Variants in HOMER1 observed in about 807,000 individuals in gnomAD.
The protein encoded by HOMER1 is homer scaffold protein 1.
In HOMER1, 3 loss-of-function variants were observed where a neutral mutation model predicts 48.9. The ratio of observed to expected loss-of-function variants is 0.06; its 90% CI spans 0.03 to 0.16. The LOEUF (loss-of-function observed/expected upper bound fraction) is 0.16. HOMER1 is among the 10% of genes least tolerant of loss of function. The pLI is 1.00. For synonymous variants in HOMER1, 134 were observed against 146.4 expected (o/e 0.92, Z 0.61); for missense variants, 247 against 411.4 (o/e 0.60, Z 3.46).
intron 5 of HOMER1, among the ~76,000 whole-genome samples, chr5:79,430,780 T>C (rs1750400044): frequency 6.6e-6 from 1 of 151,334 alleles, no homozygotes; most frequent in Non-Finnish European, 1.5e-5. Flanking sequence ...CTACTAAAAA[T>C]ACAAAAATTA....
chr5:79,437,453 G>C (rs577047949), intron 5 of HOMER1, among the ~76,000 whole-genome samples: 1 of 152,178 alleles, frequency 6.6e-6, no homozygotes, highest in South Asian at 2.1e-4. Context: ...ACTATGTAAT[G>C]TAAACATATT....
chr5:79,459,220 T>C (rs1208527066), intron 1 of HOMER1, among the ~76,000 whole-genome samples: 1 of 152,224 alleles, frequency 6.6e-6, no homozygotes, highest in Non-Finnish European at 1.5e-5. Context: ...AGTAAATTAG[T>C]TATTAAGATA....
At position 79,447,035 on chromosome 5, in the gene HOMER1, T is replaced by C. The variant is rs12516663; in HGVS notation, c.387+18A>G. The stretch of plus-strand genomic sequence containing the variant: ...AATGAACAAGGTTCATAATTAAGAA[T>C]AGAAATGATATACCCACCTGTGAAG... On this transcript the variant is annotated intron_variant, in intron 4 of 8. Transcript: ENST00000334082. 276,846 of 1,385,504 alleles carry C rather than the reference T, an allele frequency of 0.2. 31,803 individuals are homozygous for C. Among genetic ancestry groups the C allele is most frequent in the Admixed American group, 0.41 (24,312 of 59,242 alleles). 85.8% of individuals were successfully genotyped at this position (1,385,504 alleles called of 1,614,324 possible).
chr5:79,506,467 C>G (rs1752769765), intron 1 of HOMER1, among the ~76,000 whole-genome samples: 1 of 152,108 alleles, frequency 6.6e-6, no homozygotes, highest in Non-Finnish European at 1.5e-5. Context: ...AAATTAAGAA[C>G]ATAAGTTCAT....
rs570342690 is a variant in HOMER1, at chr5:79,493,029, G to A, written c.5+19741C>T. Among the ~76,000 whole-genome samples, 7 of 145,606 alleles carry A rather than the reference G, an allele frequency of 4.8e-5. No individual in the cohort carries two copies. The South Asian group carries it at 6.5e-4, about 14-fold the overall frequency. ...CGCCTTCCAGGTTCAAGCAATTCTCGTGCCTCAGTCTCCCAAGTAGCTGGA... is the reference window on the plus strand; with the variant it reads ...CGCCTTCCAGGTTCAAGCAATTCTCATGCCTCAGTCTCCCAAGTAGCTGGA... On this transcript the variant is annotated intron_variant, in intron 1 of 8. Transcript: ENST00000334082.
intron 8 of HOMER1, among the ~76,000 whole-genome samples, chr5:79,381,687 C>T (rs1472095864): frequency 6.6e-6 from 1 of 152,098 alleles, no homozygotes; most frequent in Non-Finnish European, 1.5e-5. Flanking sequence ...GAGTTTGAGA[C>T]CAGCCTGGTC....
At chr5:79,448,381 G>A (rs564145812) in intron 3 of HOMER1, among the ~76,000 whole-genome samples, 22 of 151,078 alleles carry the variant, frequency 1.5e-4, no homozygotes, top group African/African-American at 4.4e-4. Context: ...TCTCAACTTC[G>A]TAAAAATCTA....
At chr5:79,482,164 G>A (rs1751967541) in intron 1 of HOMER1, among the ~76,000 whole-genome samples, 1 of 151,926 alleles carries the variant, frequency 6.6e-6, no homozygotes, top group Non-Finnish European at 1.5e-5. Flanking sequence ...AGGCTGCAGT[G>A]AGCCATGGTA....
At chr5:79,489,330 AC>A (rs1752206560) in intron 1 of HOMER1, among the ~76,000 whole-genome samples, 1 of 152,194 alleles carries the variant, frequency 6.6e-6, no homozygotes, top group Non-Finnish European at 1.5e-5. Flanking sequence ...AAAGAAGAAT[AC>A]ACGGCCAAGC....
chr5:79,479,911 A>G (rs1751899615), intron 1 of HOMER1, among the ~76,000 whole-genome samples: 1 of 152,230 alleles, frequency 6.6e-6, no homozygotes, highest in African/African-American at 2.4e-5. Flanking sequence ...TATTAAAGCA[A>G]TTTTAGGCAA....
rs374903976 is a variant in HOMER1 at position 79,495,495 on chromosome 5, T to C, written c.5+17275A>G. Among the ~76,000 whole-genome samples, 5 of 152,236 alleles carry C rather than the reference T, an allele frequency of 3.3e-5. No individual in the cohort carries two copies. In the South Asian group the frequency reaches 1.0e-3, roughly 32 times the overall value. On this transcript the variant is annotated intron_variant, in intron 1 of 8. Transcript: ENST00000334082. ...CAACATACATCTCTATTACAGCACT[T>C]AAATCACAGTATTGTAATTTTTTGT...
At position 79,373,124 on chromosome 5, in the gene HOMER1, T is replaced by C. The variant is rs1156905457; in HGVS notation, c.*2885A>G. 1 of 152,094 alleles carries C rather than the reference T, an allele frequency of 6.6e-6. No individual in the cohort carries two copies. Among genetic ancestry groups the C allele is most frequent in the East Asian group, 1.9e-4 (1 of 5,204 alleles). 9.4% of individuals were successfully genotyped at this position (152,094 alleles called of 1,614,324 possible). A position where few individuals can be genotyped will look rare whatever the true frequency, so the allele number is the denominator to read the frequency against. ...ACTTATAAAACCTTTTATGTCAAAG[T>C]TAGGATTTCACAACATAACACACTA... On this transcript the variant is annotated 3_prime_UTR_variant, in exon 9 of 9. Coordinates refer to ENST00000334082, the MANE Select transcript of HOMER1 (RefSeq NM_004272.5).
intron 5 of HOMER1, among the ~76,000 whole-genome samples, chr5:79,429,004 A>G (rs1750347886): frequency 6.6e-6 from 1 of 152,200 alleles, no homozygotes; most frequent in Non-Finnish European, 1.5e-5. Context: ...AGTCAAAACA[A>G]TCTTGAAAAT....
intron 8 of HOMER1, among the ~76,000 whole-genome samples, chr5:79,383,759 C>T (rs753149728): frequency 4.6e-5 from 7 of 151,980 alleles, no homozygotes; most frequent in Non-Finnish European, 8.8e-5. Context: ...TGTTAAGCCA[C>T]AAAACAAGTC....
intron 3 of HOMER1, among the ~76,000 whole-genome samples, chr5:79,449,567 G>A (rs939973207): frequency 6.6e-6 from 1 of 152,152 alleles, no homozygotes; most frequent in African/African-American, 2.4e-5. Context: ...CTGCCTCCTG[G>A]GTTCAAATGA....
intron 1 of HOMER1, among the ~76,000 whole-genome samples, chr5:79,479,982 A>G (rs1268044204): frequency 6.6e-6 from 1 of 152,232 alleles, no homozygotes; most frequent in Non-Finnish European, 1.5e-5. Context: ...AAAGCTCAAG[A>G]ATAACAAATT....
chr5:79,398,579 G>A (rs1749454839), intron 6 of HOMER1, among the ~76,000 whole-genome samples: 2 of 151,986 alleles, frequency 1.3e-5, no homozygotes, highest in Admixed American at 1.3e-4. Flanking sequence ...AAAACCAACA[G>A]CCTCCCAGTG....
chr5:79,498,986 C>T (rs111403002), intron 1 of HOMER1, among the ~76,000 whole-genome samples: 8,205 of 152,008 alleles, frequency 0.054, 725 homozygotes, highest in African/African-American at 0.18. Flanking sequence ...CAGGCGCATA[C>T]CACCATGCCC....
intron 5 of HOMER1, among the ~76,000 whole-genome samples, chr5:79,423,609 T>C (rs555725747): frequency 2.3e-4 from 35 of 152,266 alleles, no homozygotes; most frequent in Non-Finnish European, 4.1e-4. Flanking sequence ...TTCTTTTATA[T>C]AGCACAATAA....
Sources: allele counts gnomAD v4.1 joint callset (sites outside exome capture counted in the v4.1 genomes callset), GRCh38; gene constraint gnomAD v4.1.1; transcripts MANE v1.5; gene names NCBI Gene and HGNC (gene_info 2026-07-23, HGNC 2026-07-21).